The following FNIP2 variants were observed in gnomAD, a reference collection of about 807,000 sequenced individuals.
FNIP2 encodes folliculin interacting protein 2, also known as folliculin-interacting protein 2.
A neutral mutation model predicts 108.7 loss-of-function variants in FNIP2; 32 were observed. That is an observed-to-expected ratio of 0.29 (90% CI 0.22 to 0.40). FNIP2 has a LOEUF of 0.40. FNIP2 is among the 10% of genes least tolerant of loss of function. The pLI is 1.00. For synonymous variants in FNIP2, 480 were observed against 496.7 expected, an observed-to-expected ratio of 0.97 and a Z score of 0.45; for missense variants, 1,202 against 1,381.6, an observed-to-expected ratio of 0.87 and a Z score of 2.06.
intron 14 of FNIP2, among the ~76,000 whole-genome samples, chr4:158,875,133 A>G (rs1360537064): frequency 6.6e-6 from 1 of 151,850 alleles, no homozygotes; most frequent in Non-Finnish European, 1.5e-5. Context: ...CTATATGCGT[A>G]TGTACTTAAA....
intron 7 of FNIP2, among the ~76,000 whole-genome samples, chr4:158,838,753 G>GT (rs1251940532): frequency 5.3e-5 from 8 of 151,986 alleles, no homozygotes; most frequent in South Asian, 2.1e-4. Context: ...AAAGTCCACA[G>GT]TTTTTTTTAT....
intron 10 of FNIP2, among the ~76,000 whole-genome samples, chr4:158,860,028 T>C (rs535952507): frequency 2.0e-5 from 3 of 152,300 alleles, no homozygotes; most frequent in Admixed American, 6.5e-5. Flanking sequence ...GGGATGCTTA[T>C]TCAAAGCACA....
chr4:158,867,794 T>C (rs1441020985), intron 12 of FNIP2, among the ~76,000 whole-genome samples: 1 of 152,248 alleles, frequency 6.6e-6, no homozygotes, highest in Non-Finnish European at 1.5e-5. Context: ...TTTAGCCTTC[T>C]TTGGGCCATC....
intron 1 of FNIP2, among the ~76,000 whole-genome samples, chr4:158,822,498 T>G (rs1777940325): frequency 6.6e-6 from 1 of 152,150 alleles, no homozygotes; most frequent in African/African-American, 2.4e-5. Flanking sequence ...TTGTTTTTGT[T>G]TGTTTGTTTA....
At chr4:158,841,248 A>G (rs1241483438) in intron 7 of FNIP2, among the ~76,000 whole-genome samples, 1 of 152,176 alleles carries the variant, frequency 6.6e-6, no homozygotes, top group Non-Finnish European at 1.5e-5. Context: ...GATGGTTGCG[A>G]GATAAGGCTG....
intron 7 of FNIP2, among the ~76,000 whole-genome samples, chr4:158,848,730 C>G (rs1162409034): frequency 6.6e-6 from 1 of 152,018 alleles, no homozygotes; most frequent in Non-Finnish European, 1.5e-5. Context: ...CAAGAGAACA[C>G]AGAAGGAATT....
chr4:158,847,011 A>G (rs555178555), intron 7 of FNIP2, among the ~76,000 whole-genome samples: 2 of 152,302 alleles, frequency 1.3e-5, no homozygotes, highest in African/African-American at 4.8e-5. Context: ...AGTGCTGCCA[A>G]CACCAGGCAG....
intron 7 of FNIP2, among the ~76,000 whole-genome samples, chr4:158,843,891 A>G (rs544862015): frequency 6.6e-6 from 1 of 152,328 alleles, no homozygotes; most frequent in East Asian, 1.9e-4. Context: ...TGCAAATGAA[A>G]ATGCTTGGCA....
At chr4:158,834,329 T>TCTCTCTCTCTCC (rs1194083212) in intron 6 of FNIP2, 24 of 149,418 alleles carry the variant, frequency 1.6e-4, no homozygotes, top group African/African-American at 3.6e-4. Flanking sequence ...TCTCTCTCTC[T>TCTCTCTCTCTCC]CCCTCTCTAA....
chr4:158,825,897 T>G lies in FNIP2; in HGVS notation c.108-19T>G, dbSNP rs1353976203. 1.2e-6 allele frequency: 2 copies of G among 1,600,176 alleles called. No individual in the cohort carries two copies. Among genetic ancestry groups the G allele is most frequent in the Non-Finnish European group, 1.7e-6 (2 of 1,169,638 alleles). On this transcript the variant is annotated intron_variant, in intron 1 of 16. Coordinates refer to ENST00000264433, the MANE Select transcript of FNIP2 (RefSeq NM_020840.3). ...GTGCTGCAGATAACATAACTTCTTT[T>G]GCCCTTTTTAATCCACAGTTGGTCA...
Position 158,859,282 on chromosome 4 carries a change from C to A in FNIP2, c.1059+24C>A. On this transcript the variant is annotated intron_variant, in intron 9 of 16. Coordinates refer to ENST00000264433, the MANE Select transcript of FNIP2 (RefSeq NM_020840.3). Reference sequence around the variant, plus strand: ...AGGTAATAAGGATGTAATCCAAAGTCAAATAGAGAAGTGATTGTGGGGCTT... The same window carrying A: ...AGGTAATAAGGATGTAATCCAAAGTAAAATAGAGAAGTGATTGTGGGGCTT... The A allele has an allele frequency of 1.9e-6, 3 of 1,574,206 alleles. No individual in the cohort carries two copies. The South Asian group carries it at 3.5e-5, about 18-fold the overall frequency.
Position 158,868,021 on chromosome 4 carries a change from T to C in FNIP2, c.1466-81T>C. On this transcript the variant is annotated intron_variant, in intron 12 of 16. Coordinates refer to ENST00000264433, the MANE Select transcript of FNIP2 (RefSeq NM_020840.3). This position sits in a 1 kb window ranked among gnomAD's most constrained non-coding sequence, Gnocchi z 4.6. ...CCAGATTGGGAATATAAGTTATCTGTTTTGCTCTTGTAAAGACGGATATAT... is the reference window on the plus strand; with the variant it reads ...CCAGATTGGGAATATAAGTTATCTGCTTTGCTCTTGTAAAGACGGATATAT... The C allele has an allele frequency of 6.5e-7, 1 of 1,536,108 alleles. No homozygotes were observed. The highest frequency in any genetic ancestry group is 8.8e-7 in the Non-Finnish European group (1 of 1,133,774).
chr4:158,803,214 G>A (rs1049255558), intron 1 of FNIP2, among the ~76,000 whole-genome samples: 3 of 152,210 alleles, frequency 2.0e-5, no homozygotes, highest in South Asian at 2.1e-4. Flanking sequence ...ATGATACATG[G>A]ATGAACTGTA....
Position 158,833,510 on chromosome 4 carries a change from C to T in FNIP2, c.555-18C>T, listed in dbSNP as rs1233359880. On this transcript the variant is annotated intron_variant, in intron 5 of 16. Transcript: ENST00000264433. ...TTTTTGTCCTCTTTCTCCTTTTCCC[C>T]CCCATCTCCGGATATAGCTTGCAAG... 6.6e-7 allele frequency: 1 copy of T among 1,518,178 alleles called. No homozygotes were observed. The highest frequency in any genetic ancestry group is 1.4e-5 in the African/African-American group (1 of 71,582). 94.0% of individuals were successfully genotyped at this position (1,518,178 alleles called of 1,614,324 possible). A position where few individuals can be genotyped will look rare whatever the true frequency, so the allele number is the denominator to read the frequency against.
chr4:158,834,559 C>T (rs1778692229), intron 6 of FNIP2: 1 of 152,120 alleles, frequency 6.6e-6, no homozygotes, highest in African/African-American at 2.4e-5. Context: ...CACGCTCCTA[C>T]CTACTTAGAG....
chr4:158,887,564 C>A (rs1782081951), intron 14 of FNIP2, among the ~76,000 whole-genome samples: 1 of 151,810 alleles, frequency 6.6e-6, no homozygotes, highest in Non-Finnish European at 1.5e-5. Context: ...TGGTGAAACC[C>A]CGTCTCTACT....
chr4:158,784,687 C>T (rs1051381121), intron 1 of FNIP2, among the ~76,000 whole-genome samples: 3 of 152,152 alleles, frequency 2.0e-5, no homozygotes, highest in African/African-American at 4.8e-5. Context: ...TAATAGGGTT[C>T]GCACTACTAT....
At chr4:158,836,404 C>T (rs1450945063) in intron 7 of FNIP2, 1 of 152,116 alleles carries the variant, frequency 6.6e-6, no homozygotes, top group Non-Finnish European at 1.5e-5. Context: ...TTACATATGT[C>T]ACATAATGTA....
rs35848323 is a variant in FNIP2 at position 158,852,550 on chromosome 4, G to A, written c.857+1100G>A. Among the ~76,000 whole-genome samples the A allele has an allele frequency of 4.9e-3, 739 of 152,278 alleles. 3 individuals are homozygous for A. In the Middle Eastern group the frequency reaches 0.051, roughly 11 times the overall value. On this transcript the variant is annotated intron_variant, in intron 8 of 16. Coordinates refer to ENST00000264433, the MANE Select transcript of FNIP2 (RefSeq NM_020840.3). ...TAACCTGGATTCTGAGTGTTGCATC[G>A]TCATCTGCAATATGATAATAATACT...
Sources: allele counts gnomAD v4.1 joint callset (sites outside exome capture counted in the v4.1 genomes callset), GRCh38; gene constraint gnomAD v4.1.1; non-coding constraint Gnocchi (gnomAD v3.1); transcripts MANE v1.5; gene names NCBI Gene and HGNC (gene_info 2026-07-23, HGNC 2026-07-21).